PACRGL: variants seen among roughly 807,000 people sequenced by gnomAD.
PACRGL encodes the protein PACRG-like protein.
A neutral mutation model predicts 34.5 loss-of-function variants in PACRGL; 38 were observed. The observed-to-expected ratio is 1.10, with a 90% CI of 0.85 to 1.44. The LOEUF (loss-of-function observed/expected upper bound fraction) is 1.44, where lower values mean the gene tolerates loss of function less well. Ranked by LOEUF, PACRGL falls within the 40% of genes most tolerant of loss-of-function variation. The pLI, the probability that PACRGL is intolerant of heterozygous loss-of-function variation, is 0.00. For missense variants in PACRGL, 305 were observed against 281.4 expected (o/e 1.08, Z -0.60); for synonymous variants, 128 against 100.1 (o/e 1.28, Z -1.66).
rs1560318104 is a variant in PACRGL, at chr4:20,712,800, A to T, written c.379A>T (p.Thr127Ser). 1 of 1,573,776 alleles carries T rather than the reference A, an allele frequency of 6.4e-7. No individual in the cohort carries two copies. The highest frequency in any genetic ancestry group is 8.6e-7 in the Non-Finnish European group (1 of 1,156,896). The stretch of plus-strand genomic sequence containing the variant: ...TGGTCTTTGTCAGGGTCTGAGAGAG[A>T]CTAAGCATCCATACACTTTTGTGTC... Reference protein sequence around the residue: ...LITLAEGLRETKHPYTFVSKE... With the variant: ...LITLAEGLRESKHPYTFVSKE... Residue 127 changes from threonine (T) to serine (S), a missense_variant, in exon 6 of 9, where the codon ACT (threonine) becomes TCT (serine). Physicochemically the swap from Thr to Ser is moderately conservative, Grantham distance 58. Transcript: ENST00000503585.
In PACRGL at chr4:20,748,598, ATATATATTC is replaced by A. The variant is rs1309776660; in HGVS notation, c.*57-3966_*57-3958del. On this transcript the variant is annotated intron_variant, in intron 8 of 8. Transcript: ENST00000507634. ...TATATATATATATATATATATATAT[ATATATATTC>A]CATAAGTAAATATAAATGTATATAT... 8.8e-4 allele frequency among the ~76,000 whole-genome samples: 91 copies of A among 103,186 alleles called. 1 individual carries two copies. The highest frequency in any genetic ancestry group is 6.7e-3 in the South Asian group (21 of 3,150). The allele number at this position is 103,186 out of a possible 152,430, so 67.7% of individuals were successfully genotyped here. A position where few individuals can be genotyped will look rare whatever the true frequency, so the allele number is the denominator to read the frequency against.
At chr4:20,746,729 C>T (rs1434124740) in intron 8 of PACRGL, among the ~76,000 whole-genome samples, 1 of 152,166 alleles carries the variant, frequency 6.6e-6, no homozygotes, top group African/African-American at 2.4e-5. Flanking sequence ...CCTAGGGTCT[C>T]AGAGCCGCTG....
the PACRGL span, among the ~76,000 whole-genome samples, chr4:20,764,526 A>G: frequency 1.3e-5 from 2 of 152,080 alleles, no homozygotes; most frequent in Non-Finnish European, 2.9e-5. Flanking sequence ...CCAGAAGGAG[A>G]ATCGTAAGAC....
At chr4:20,740,449 C>A (rs547687792) in intron 8 of PACRGL, among the ~76,000 whole-genome samples, 1 of 152,080 alleles carries the variant, frequency 6.6e-6, no homozygotes, top group Admixed American at 6.6e-5. Flanking sequence ...AATTTTCAAC[C>A]CAGAATTTCA....
intron 8 of PACRGL, among the ~76,000 whole-genome samples, chr4:20,746,800 C>T (rs1310119716): frequency 6.6e-6 from 1 of 152,122 alleles, no homozygotes; most frequent in African/African-American, 2.4e-5. Context: ...TATCATATTT[C>T]TTCTGCCTTT....
At chr4:20,757,157 C>T (rs1754546623), downstream of PACRGL, among the ~76,000 whole-genome samples, 1 of 152,118 alleles carries the variant, frequency 6.6e-6, no homozygotes. Flanking sequence ...GTATCACAAA[C>T]TCCTCTCTTC....
At chr4:20,755,692 A>G (rs1457393025), downstream of PACRGL, among the ~76,000 whole-genome samples, 7 of 152,192 alleles carry the variant, frequency 4.6e-5, no homozygotes. Context: ...AGGTGTTGCA[A>G]TTTAAGATAG....
the PACRGL span, among the ~76,000 whole-genome samples, chr4:20,763,892 A>G: frequency 6.6e-6 from 1 of 152,186 alleles, no homozygotes; most frequent in Non-Finnish European, 1.5e-5. Flanking sequence ...GTCATTTAGC[A>G]GTATAAATTG....
chr4:20,733,785 C>A (rs6831295), downstream of PACRGL, among the ~76,000 whole-genome samples: 2 of 151,948 alleles, frequency 1.3e-5, no homozygotes, highest in African/African-American at 4.8e-5. Context: ...AATTTGGCAC[C>A]CACTAGTGAT....
At chr4:20,726,351 G>A (rs1011511752) in intron 8 of PACRGL, among the ~76,000 whole-genome samples, 3 of 152,028 alleles carry the variant, frequency 2.0e-5, no homozygotes, top group African/African-American at 4.8e-5. Flanking sequence ...AAAAGATTTT[G>A]TAGCTACAAG....
intron 8 of PACRGL, among the ~76,000 whole-genome samples, chr4:20,740,717 C>T (rs893061192): frequency 2.6e-5 from 4 of 152,166 alleles, no homozygotes; most frequent in African/African-American, 9.7e-5. Flanking sequence ...CAAATTCACA[C>T]ATAACAATAT....
intron 1 of PACRGL, 78 bp from the exon 2 acceptor site, chr4:20,704,388 C>A (rs1733615739): frequency 1.5e-6 from 2 of 1,335,910 alleles, no homozygotes; most frequent in South Asian, 1.3e-5. Flanking sequence ...ATACTCTGTT[C>A]TGGTTTTGTC....
intron 8 of PACRGL, among the ~76,000 whole-genome samples, chr4:20,726,318 A>T (rs1745610096): frequency 6.6e-6 from 1 of 152,196 alleles, no homozygotes; most frequent in Non-Finnish European, 1.5e-5. Context: ...CTAGCTTTGA[A>T]TGTTGCTAAT....
At chr4:20,700,348 C>G (rs1731608717), upstream of PACRGL, 1 of 152,350 alleles carries the variant, frequency 6.6e-6, no homozygotes, top group South Asian at 2.1e-4. Context: ...CTGGGCAACC[C>G]TCTTCTGGGG....
At chr4:20,754,650 A>G (rs1024451120), downstream of PACRGL, among the ~76,000 whole-genome samples, 2 of 152,232 alleles carry the variant, frequency 1.3e-5, no homozygotes, top group Admixed American at 6.5e-5. Flanking sequence ...GCATTCAATT[A>G]ACATGAATAA....
In PACRGL at chr4:20,728,057, G is replaced by T. The variant is rs1746485440; in HGVS notation, c.*716G>T. 1 of 152,300 alleles carries T rather than the reference G, an allele frequency of 6.6e-6. No homozygotes were observed. Among genetic ancestry groups the T allele is most frequent in the Non-Finnish European group, 1.5e-5 (1 of 68,138 alleles). 9.4% of individuals were successfully genotyped at this position (152,300 alleles called of 1,614,324 possible). On this transcript the variant is annotated 3_prime_UTR_variant, in exon 9 of 9. Coordinates refer to ENST00000503585, the MANE Select transcript of PACRGL (RefSeq NM_001258345.3). ...CCACAGTGGACTTCCAAAGTGCTGGGATTACAGGTGTGAGCCACCATGCCT... is the reference window on the plus strand; with the variant it reads ...CCACAGTGGACTTCCAAAGTGCTGGTATTACAGGTGTGAGCCACCATGCCT...
chr4:20,765,715 T>C, the PACRGL span, among the ~76,000 whole-genome samples: 3 of 152,210 alleles, frequency 2.0e-5, no homozygotes, highest in Admixed American at 2.0e-4. Context: ...ATTGCATTTC[T>C]TTCATTGCCT....
chr4:20,757,940 G>A, the PACRGL span, among the ~76,000 whole-genome samples: 1 of 152,092 alleles, frequency 6.6e-6, no homozygotes, highest in African/African-American at 2.4e-5. Context: ...TGCCAGCACT[G>A]TGCTCTCAGA....
intron 3 of PACRGL, among the ~76,000 whole-genome samples, chr4:20,706,152 G>A (rs185733663): frequency 6.9e-4 from 105 of 151,776 alleles, no homozygotes; most frequent in African/African-American, 2.4e-3. Flanking sequence ...GGTTAAAATC[G>A]ATAAAAGTAA....
Sources: gnomAD v4.1 joint callset for allele counts (sites outside exome capture counted in the v4.1 genomes callset) on GRCh38, gnomAD v4.1.1 for gene constraint, MANE v1.5 for transcripts, NCBI Gene and HGNC (gene_info 2026-07-23, HGNC 2026-07-21) for gene names.